The following PCDHGA3 variants were observed in gnomAD, a reference collection of about 807,000 sequenced individuals.
PCDHGA3 encodes protocadherin gamma subfamily A, 3, also known as protocadherin gamma-A3.
A neutral mutation model predicts 58.5 loss-of-function variants in PCDHGA3; 40 were observed. That is an observed-to-expected ratio of 0.68 (90% confidence interval 0.53 to 0.89). PCDHGA3 has a LOEUF of 0.89. Ranked by LOEUF, PCDHGA3 falls within the 40% of genes least tolerant of loss-of-function variation. PCDHGA3 has a pLI of 0.00. For synonymous variants in PCDHGA3, 530 were observed against 525.7 expected, an observed-to-expected ratio of 1.01 and a Z score of -0.11; for missense variants, 1,223 against 1,195.9, an observed-to-expected ratio of 1.02 and a Z score of -0.33.
intron 1 of PCDHGA3, among the ~76,000 whole-genome samples, chr5:141,430,101 G>C (rs918427744): frequency 6.6e-6 from 1 of 152,036 alleles, no homozygotes; most frequent in African/African-American, 2.4e-5. Context: ...ATTTTTAAGC[G>C]TTACATGTCA....
At position 141,490,456 on chromosome 5, in the gene PCDHGA3, C is replaced by G. The variant is rs370141879; in HGVS notation, c.2425-4351C>G. On this transcript the variant is annotated intron_variant, in intron 1 of 3. Transcript: ENST00000253812. The surrounding 1 kb of genome is among the most constrained non-coding windows in gnomAD (Gnocchi z 5.4). The stretch of plus-strand genomic sequence containing the variant: ...TAAGCCTTCTGAGAACCACTACTCG[C>G]TGCTAACCAGCCAGCCTTTGGACCG... 3.7e-6 allele frequency: 6 copies of G among 1,614,114 alleles called. No individual in the cohort carries two copies. Among genetic ancestry groups the G allele is most frequent in the Non-Finnish European group, 5.1e-6 (6 of 1,180,058 alleles).
chr5:141,374,491 A>G (rs749520440), intron 1 of PCDHGA3: 1 of 1,611,464 alleles, frequency 6.2e-7, no homozygotes, highest in Non-Finnish European at 8.5e-7. Context: ...TCTTAAAGGA[A>G]GAATTGGAAG....
chr5:141,504,206 A>C (rs1209911822), intron 2 of PCDHGA3, among the ~76,000 whole-genome samples: 1 of 152,218 alleles, frequency 6.6e-6, no homozygotes, highest in East Asian at 1.9e-4. Context: ...CTGTGGGAAA[A>C]TTCCAAGTAG....
At chr5:141,420,211 T>C (rs759486952) in intron 1 of PCDHGA3, 11 of 1,612,388 alleles carry the variant, frequency 6.8e-6, no homozygotes, top group African/African-American at 1.3e-5. Context: ...TCAACAAAGA[T>C]AGCATGCTAC....
At chr5:141,388,558 C>G in intron 1 of PCDHGA3, 1 of 1,613,910 alleles carries the variant, frequency 6.2e-7, no homozygotes, top group Non-Finnish European at 8.5e-7. Context: ...CTAAGCAGCA[C>G]TGCACAGATA....
rs953397576 is a variant in PCDHGA3, at chr5:141,410,111, G to A, written c.2424+63654G>A. 6 of 1,612,264 alleles carry A rather than the reference G, an allele frequency of 3.7e-6. No homozygotes were observed. In the African/African-American group the frequency reaches 6.7e-5, roughly 18 times the overall value. On this transcript the variant is annotated intron_variant, in intron 1 of 3. Transcript: ENST00000253812. ...GGCTCGAGCCTTAGGCGACAGGGACGCAGCCCGCCAGCGCCTGCTGGTCGC... is the reference window on the plus strand; with the variant it reads ...GGCTCGAGCCTTAGGCGACAGGGACACAGCCCGCCAGCGCCTGCTGGTCGC...
At chr5:141,400,629 C>A (rs1416723451) in intron 1 of PCDHGA3, 1 of 1,389,786 alleles carries the variant, frequency 7.2e-7, no homozygotes, top group African/African-American at 1.4e-5. Context: ...TTAGGGAAGT[C>A]AGAGCTGCTC....
intron 1 of PCDHGA3, among the ~76,000 whole-genome samples, chr5:141,407,809 T>C (rs2094984510): frequency 6.6e-6 from 1 of 152,228 alleles, no homozygotes; most frequent in South Asian, 2.1e-4. Flanking sequence ...TAGAAATATC[T>C]ACTATAATAT....
Position 141,496,029 on chromosome 5 carries a change from C to T in PCDHGA3, c.2483+1164C>T, listed in dbSNP as rs548231443. ...TTGTCTTTTTTCTCTGAGCCTCTGTCTCTGTCTCTCATTTTTTTGTGCTTG... is the reference window on the plus strand; with the variant it reads ...TTGTCTTTTTTCTCTGAGCCTCTGTTTCTGTCTCTCATTTTTTTGTGCTTG... On this transcript the variant is annotated intron_variant, in intron 2 of 3. Coordinates refer to ENST00000253812, the MANE Select transcript of PCDHGA3 (RefSeq NM_018916.4). Among the ~76,000 whole-genome samples, 3 of 152,088 alleles carry T rather than the reference C, an allele frequency of 2.0e-5. No individual in the cohort carries two copies. In the East Asian group the frequency reaches 5.8e-4, roughly 29 times the overall value.
At chr5:141,461,821 T>A (rs569091880) in intron 1 of PCDHGA3, among the ~76,000 whole-genome samples, 1 of 151,286 alleles carries the variant, frequency 6.6e-6, no homozygotes, top group South Asian at 2.1e-4. Context: ...ACCCAGCTAA[T>A]TTTTTTTTCT....
At chr5:141,478,535 C>G (rs1359742091) in intron 1 of PCDHGA3, 1 of 1,607,794 alleles carries the variant, frequency 6.2e-7, no homozygotes, top group Non-Finnish European at 8.5e-7. Flanking sequence ...AGAGAGCGCC[C>G]CTCCCGGACA....
chr5:141,378,619 T>G (rs190214323), intron 1 of PCDHGA3: 1 of 152,306 alleles, frequency 6.6e-6, no homozygotes, highest in African/African-American at 2.4e-5. Context: ...TAAAAATAGA[T>G]GACTGACTGG....
chr5:141,422,204 G>A lies in PCDHGA3; in HGVS notation c.2425-72603G>A, dbSNP rs185669562. On this transcript the variant is annotated intron_variant, in intron 1 of 3. Transcript: ENST00000253812. Reference sequence around the variant, plus strand: ...ATGGAAATTCAAGGCCAAGATGGTGGAGGTCTCTTTACCACCACGACGATG... The same window carrying A: ...ATGGAAATTCAAGGCCAAGATGGTGAAGGTCTCTTTACCACCACGACGATG... The A allele has an allele frequency of 1.7e-4, 269 of 1,562,138 alleles. No individual in the cohort carries two copies. The African/African-American group carries it at 3.6e-3, about 21-fold the overall frequency.
intron 1 of PCDHGA3, chr5:141,384,099 T>A (rs1456303515): frequency 6.3e-7 from 1 of 1,597,622 alleles, no homozygotes; most frequent in Non-Finnish European, 8.5e-7. Flanking sequence ...CAATAGATAA[T>A]TATTATAGAT....
intron 1 of PCDHGA3, among the ~76,000 whole-genome samples, chr5:141,397,572 C>T (rs374731219): frequency 1.8e-4 from 27 of 152,196 alleles, no homozygotes; most frequent in Middle Eastern, 3.4e-3. Context: ...AGAGCAAGAA[C>T]TGTATCATAT....
chr5:141,418,330 A>C (rs1346623372), intron 1 of PCDHGA3: 2 of 1,613,922 alleles, frequency 1.2e-6, no homozygotes, highest in Admixed American at 1.7e-5. Flanking sequence ...TTGAGTCTGC[A>C]GAAGATCCTG....
At position 141,493,157 on chromosome 5, in the gene PCDHGA3, T is replaced by C. The variant is rs1261889479; in HGVS notation, c.2425-1650T>C. ...TTGAAACACCCCCAGGTGATTTTGATAGCTGATTGAGAGAAACTTACTATA... is the reference window on the plus strand; with the variant it reads ...TTGAAACACCCCCAGGTGATTTTGACAGCTGATTGAGAGAAACTTACTATA... On this transcript the variant is annotated intron_variant, in intron 1 of 3. Coordinates refer to ENST00000253812, the MANE Select transcript of PCDHGA3 (RefSeq NM_018916.4). This position sits in a 1 kb window ranked among gnomAD's most constrained non-coding sequence, Gnocchi z 4.3. 2.0e-5 allele frequency among the ~76,000 whole-genome samples: 3 copies of C among 152,224 alleles called. No individual in the cohort carries two copies. Among genetic ancestry groups the C allele is most frequent in the Admixed American group, 6.5e-5 (1 of 15,286 alleles).
intron 1 of PCDHGA3, chr5:141,413,625 C>T (rs372855865): frequency 1.2e-6 from 2 of 1,613,854 alleles, no homozygotes; most frequent in Admixed American, 3.3e-5. Context: ...ATGAAAATGT[C>T]GCTGCGGGAA....
intron 1 of PCDHGA3, among the ~76,000 whole-genome samples, chr5:141,484,569 AGACT>A (rs1376518478): frequency 1.3e-5 from 2 of 152,106 alleles, no homozygotes; most frequent in African/African-American, 2.4e-5. Context: ...CAATACAATC[AGACT>A]GAGACGGAAG....
Sources: allele counts gnomAD v4.1 joint callset (sites outside exome capture counted in the v4.1 genomes callset), GRCh38; gene constraint gnomAD v4.1.1; non-coding constraint Gnocchi (gnomAD v3.1); transcripts MANE v1.5; gene names NCBI Gene and HGNC (gene_info 2026-07-23, HGNC 2026-07-21).